Variants in CACNA1I observed in about 807,000 individuals in gnomAD.
CACNA1I encodes calcium voltage-gated channel subunit alpha1 I, also known as voltage-dependent T-type calcium channel subunit alpha-1I.
Under a neutral mutation model 201.6 loss-of-function variants are expected in CACNA1I, and 74 were observed. That is an observed-to-expected ratio of 0.37 (90% CI 0.30 to 0.45). The LOEUF (loss-of-function observed/expected upper bound fraction) is 0.45. Ranked by LOEUF, CACNA1I falls within the 20% of genes least tolerant of loss-of-function variation. The probability of loss-of-function intolerance (pLI) is 1.00; values close to 1 mark genes in which losing one functional copy is unlikely to be tolerated. For synonymous variants in CACNA1I, 1,431 were observed against 1,345.2 expected (o/e 1.06, Z -1.40); for missense variants, 2,346 against 3,138.1 (o/e 0.75, Z 6.03).
intron 16 of CACNA1I, 81 bp from the exon 17 acceptor site, chr22:39,661,884 G>A (rs1174392408): frequency 3.3e-6 from 3 of 906,786 alleles, no homozygotes; most frequent in East Asian, 3.0e-5. Flanking sequence ...CACAGCGGGG[G>A]TGCAGGCTGC....
intron 3 of CACNA1I, among the ~76,000 whole-genome samples, chr22:39,605,657 A>T (rs149101939): frequency 1.3e-3 from 201 of 152,324 alleles, no homozygotes; most frequent in Non-Finnish European, 2.0e-3. Flanking sequence ...ATTGGGATCC[A>T]TGCTGTTGTC....
intron 4 of CACNA1I, among the ~76,000 whole-genome samples, chr22:39,621,769 C>T (rs568496182): frequency 7.3e-5 from 11 of 151,404 alleles, no homozygotes; most frequent in Non-Finnish European, 1.3e-4. Context: ...CAAAGCTGTG[C>T]GGGAGGGGGA....
intron 4 of CACNA1I, among the ~76,000 whole-genome samples, chr22:39,633,312 A>G (rs1166196493): frequency 6.6e-6 from 1 of 152,196 alleles, no homozygotes; most frequent in African/African-American, 2.4e-5. Flanking sequence ...AGCCTAGTGG[A>G]AGAGATAGGA....
chr22:39,600,775 G>GA, intron 3 of CACNA1I, 122 bp downstream of exon 3: 1 of 1,261,118 alleles, frequency 7.9e-7, no homozygotes, highest in Non-Finnish European at 1.0e-6. Context: ...GACCCTCCTG[G>GA]ACCCCTGGGC....
chr22:39,676,160 C>T lies in CACNA1I; in HGVS notation c.4855-1181C>T, dbSNP rs534027710. On this transcript the variant is annotated intron_variant, in intron 29 of 36. Transcript: ENST00000402142. This position sits in a 1 kb window ranked among gnomAD's most constrained non-coding sequence, Gnocchi z 4.8. ...GACAGATAGAAAAGCTGACGGCAAT[C>T]CTGGTTAAGAGATGCTGCCCCCGCC... 6.6e-4 allele frequency among the ~76,000 whole-genome samples: 101 copies of T among 152,294 alleles called. No individual in the cohort carries two copies. Among genetic ancestry groups the T allele is most frequent in the African/African-American group, 2.4e-3 (100 of 41,558 alleles).
At chr22:39,602,958 C>A (rs1242460389) in intron 3 of CACNA1I, among the ~76,000 whole-genome samples, 4 of 151,928 alleles carry the variant, frequency 2.6e-5, no homozygotes, top group Admixed American at 1.3e-4. Context: ...TTGAGACCAG[C>A]CTGGGCAACA....
At chr22:39,624,550 G>C (rs1338232248) in intron 4 of CACNA1I, among the ~76,000 whole-genome samples, 1 of 152,246 alleles carries the variant, frequency 6.6e-6, no homozygotes, top group African/African-American at 2.4e-5. Flanking sequence ...GCACTGGGGA[G>C]TTACTGGGAG....
intron 1 of CACNA1I, among the ~76,000 whole-genome samples, chr22:39,573,979 C>G (rs572228126): frequency 3.9e-4 from 59 of 152,238 alleles, no homozygotes; most frequent in Admixed American, 3.5e-3. Flanking sequence ...CCCGGCATCC[C>G]CATGGCCAGG....
intron 10 of CACNA1I, among the ~76,000 whole-genome samples, chr22:39,653,443 T>A (rs1449984949): frequency 2.0e-5 from 3 of 152,158 alleles, no homozygotes; most frequent in African/African-American, 7.2e-5. Context: ...CGGGAAATGA[T>A]CCGCCCCCAT....
chr22:39,600,460 C>T (rs932202888), intron 2 of CACNA1I, 60 bp from the exon 3 acceptor site: 55 of 1,467,134 alleles, frequency 3.7e-5, no homozygotes, highest in East Asian at 1.6e-4. Flanking sequence ...TGGCTGCAAC[C>T]CCTGGGCCCT....
chr22:39,603,151 CAAAA>C (rs11430018), intron 3 of CACNA1I, among the ~76,000 whole-genome samples: 2 of 132,490 alleles, frequency 1.5e-5, no homozygotes, highest in Admixed American at 7.8e-5. Context: ...AAGACCCTGT[CAAAA>C]AAAAAAAAAA....
At position 39,618,039 on chromosome 22, in the gene CACNA1I, TTGTG is replaced by T. The variant is rs142533547; in HGVS notation, c.483-1265_483-1262del. ...TGAGTGTGTGTGTGCAGGTGTGCAG[TTGTG>T]TGTGTATTTGTGCTTGTGTATGCGG... On this transcript the variant is annotated intron_variant, in intron 3 of 36. Transcript: ENST00000402142. 6.0e-4 allele frequency among the ~76,000 whole-genome samples: 91 copies of T among 150,752 alleles called. No homozygotes were observed. The East Asian group carries it at 7.6e-3, about 13-fold the overall frequency.
chr22:39,661,131 A>G lies in CACNA1I; in HGVS notation c.2722A>G (p.Met908Val). The G allele has an allele frequency of 1.2e-6, 2 of 1,612,930 alleles. No individual in the cohort carries two copies. The highest frequency in any genetic ancestry group is 1.1e-5 in the South Asian group (1 of 90,998). The change falls in exon 16 of 37, where the codon ATG becomes GTG. Residue 908 changes from methionine to valine, a missense_variant. Coordinates refer to ENST00000402142, the MANE Select transcript of CACNA1I (RefSeq NM_021096.4). Reference protein sequence around the residue: ...SGDPKLCPIPMTPNGHLDPSL... With the variant: ...SGDPKLCPIPVTPNGHLDPSL... ...AGATCCCAAGCTCTGCCCAATCCCC[A>G]TGACCCCCAATGGGCACCTGGACCC...
In CACNA1I at chr22:39,629,579, G is replaced by T. The variant is rs1458325706; in HGVS notation, c.581-4986G>T. ...ACGGAGAGGAGCAGGGGGACGGAAG[G>T]CCCAATCATCAGGCCGTGAGGGTGG... is the stretch of plus-strand genomic sequence containing the variant. On this transcript the variant is annotated intron_variant, in intron 4 of 36. Transcript: ENST00000402142. The surrounding 1 kb of genome is among the most constrained non-coding windows in gnomAD (Gnocchi z 4.8). Among the ~76,000 whole-genome samples the T allele has an allele frequency of 6.6e-6, 1 of 152,152 alleles. No homozygotes were observed. Among genetic ancestry groups the T allele is most frequent in the Admixed American group, 6.5e-5 (1 of 15,288 alleles).
chr22:39,663,697 G>GCCCCCCCCCCCCCCCC, intron 18 of CACNA1I, 21 bp from the exon 19 acceptor site: 50 of 1,591,706 alleles, frequency 3.1e-5, no homozygotes, highest in Non-Finnish European at 3.9e-5. Context: ...CGCTCAGGCA[G>GCCCCCCCCCCCCCCCC]CCCCCGCCCA....
Position 39,659,153 on chromosome 22 carries a change from TGCTGGGGCTGTGG to T in CACNA1I, c.2330+40_2330+52del. 3 of 1,605,126 alleles carry T rather than the reference TGCTGGGGCTGTGG, an allele frequency of 1.9e-6. No individual in the cohort carries two copies. The highest frequency in any genetic ancestry group is 2.6e-6 in the Non-Finnish European group (3 of 1,176,022). ...CTGCTGGGGGCCATACCTCAGCACCTGCTGGGGCTGTGGGCGGGAGCCTGGGGGATGTGGTCCA... is the reference window on the plus strand; with the variant it reads ...CTGCTGGGGGCCATACCTCAGCACCTGCGGGAGCCTGGGGGATGTGGTCCA... On this transcript the variant is annotated intron_variant, in intron 12 of 36. Coordinates refer to ENST00000402142, the MANE Select transcript of CACNA1I (RefSeq NM_021096.4). The surrounding 1 kb of genome is among the most constrained non-coding windows in gnomAD (Gnocchi z 4.3).
chr22:39,686,539 CCGG>C lies in CACNA1I; in HGVS notation c.*135_*137del. ...CCCGCAGGGCACAGGCGCCCGACAGCCGGGCTGAGCGGAGTCTGGGTTAGCCAG... is the reference window on the plus strand; with the variant it reads ...CCCGCAGGGCACAGGCGCCCGACAGCGCTGAGCGGAGTCTGGGTTAGCCAG... On this transcript the variant is annotated 3_prime_UTR_variant, in exon 37 of 37. Coordinates refer to ENST00000402142, the MANE Select transcript of CACNA1I (RefSeq NM_021096.4). 3.1e-6 allele frequency: 2 copies of C among 636,394 alleles called. No individual in the cohort carries two copies. The highest frequency in any genetic ancestry group is 4.3e-6 in the Non-Finnish European group (2 of 460,752). 39.4% of individuals were successfully genotyped at this position (636,394 alleles called of 1,614,324 possible). A position where few individuals can be genotyped will look rare whatever the true frequency, so the allele number is the denominator to read the frequency against.
In CACNA1I at chr22:39,658,362, G is replaced by A. The variant is rs1205693113; in HGVS notation, c.2144+59G>A. Reference sequence around the variant, plus strand: ...GCCTCGGGGGGACATTTACTGCAAAGACCCCAGCCAGCATATAAAGGACAT... The same window carrying A: ...GCCTCGGGGGGACATTTACTGCAAAAACCCCAGCCAGCATATAAAGGACAT... On this transcript the variant is annotated intron_variant, in intron 11 of 36. Transcript: ENST00000402142. The A allele has an allele frequency of 9.8e-6, 15 of 1,524,284 alleles. No homozygotes were observed. The Admixed American group carries it at 2.7e-4, about 28-fold the overall frequency. The allele number at this position is 1,524,284 out of a possible 1,614,324, so 94.4% of individuals were successfully genotyped here.
chr22:39,635,343 G>T (rs548097580), intron 5 of CACNA1I, among the ~76,000 whole-genome samples: 23 of 152,238 alleles, frequency 1.5e-4, no homozygotes, highest in African/African-American at 5.1e-4. Context: ...GGCAGAAGGG[G>T]GGGGGTCCCT....
Sources: allele counts gnomAD v4.1 joint callset (sites outside exome capture counted in the v4.1 genomes callset), GRCh38; gene constraint gnomAD v4.1.1; non-coding constraint Gnocchi (gnomAD v3.1); transcripts MANE v1.5; gene names NCBI Gene and HGNC (gene_info 2026-07-23, HGNC 2026-07-21).